PRKCA: variants seen among roughly 807,000 people sequenced by gnomAD.
The protein encoded by PRKCA is protein kinase C alpha.
PRKCA carries 27 observed loss-of-function variants against 87.0 expected under a neutral mutation model. The ratio of observed to expected loss-of-function variants is 0.31; its 90% CI spans 0.23 to 0.43. The LOEUF is 0.43. Among genes scored for constraint, PRKCA ranks in the 20% least tolerant of loss-of-function variants. The pLI is 1.00. For synonymous variants in PRKCA, 329 were observed against 311.1 expected (o/e 1.06, Z -0.61); for missense variants, 518 against 852.3 (o/e 0.61, Z 4.88).
At chr17:66,478,045 A>G (rs1915610504) in intron 2 of PRKCA, among the ~76,000 whole-genome samples, 2 of 152,294 alleles carry the variant, frequency 1.3e-5, no homozygotes, top group Non-Finnish European at 1.5e-5. Context: ...CGCCCAGGAG[A>G]CAGGTCTGTG....
At chr17:66,633,827 C>T (rs1235191613) in intron 3 of PRKCA, among the ~76,000 whole-genome samples, 1 of 152,322 alleles carries the variant, frequency 6.6e-6, no homozygotes, top group Middle Eastern at 3.4e-3. Context: ...TTGCCTGCCT[C>T]CTGGTGTGAA....
At chr17:66,653,738 T>A (rs1319390234) in intron 5 of PRKCA, among the ~76,000 whole-genome samples, 1 of 149,538 alleles carries the variant, frequency 6.7e-6, no homozygotes, top group Non-Finnish European at 1.5e-5. Flanking sequence ...ATCTGGGGGT[T>A]CCATGCCTAC....
intron 8 of PRKCA, among the ~76,000 whole-genome samples, chr17:66,731,510 A>T (rs1973893098): frequency 6.6e-6 from 1 of 152,140 alleles, no homozygotes; most frequent in African/African-American, 2.4e-5. Context: ...GATGTTCAAA[A>T]TTCGGAGTCT....
chr17:66,379,131 T>C (rs1044071579), intron 2 of PRKCA, among the ~76,000 whole-genome samples: 2 of 152,202 alleles, frequency 1.3e-5, no homozygotes, highest in Non-Finnish European at 2.9e-5. Context: ...CATGAGTTTT[T>C]TTGTGGACGT....
chr17:66,704,554 C>G (rs946185158), intron 8 of PRKCA, among the ~76,000 whole-genome samples: 1 of 152,174 alleles, frequency 6.6e-6, no homozygotes, highest in Non-Finnish European at 1.5e-5. Flanking sequence ...TGTGTCTTCA[C>G]AGTTCTTATA....
chr17:66,421,248 A>G (rs1404438117), intron 2 of PRKCA, among the ~76,000 whole-genome samples: 1 of 152,184 alleles, frequency 6.6e-6, no homozygotes, highest in East Asian at 1.9e-4. Context: ...GAGAGAGAGT[A>G]AAAAGATTTT....
chr17:66,767,550 A>G (rs1974838527), intron 13 of PRKCA, among the ~76,000 whole-genome samples: 1 of 152,202 alleles, frequency 6.6e-6, no homozygotes, highest in Non-Finnish European at 1.5e-5. Flanking sequence ...TACATGAAGG[A>G]GGAAGTTTTT....
intron 3 of PRKCA, among the ~76,000 whole-genome samples, chr17:66,623,937 T>G (rs1970766943): frequency 1.3e-5 from 2 of 149,486 alleles, no homozygotes; most frequent in South Asian, 2.1e-4. Context: ...TGAGAAGAGG[T>G]GAAGAGAGGG....
intron 2 of PRKCA, among the ~76,000 whole-genome samples, chr17:66,470,523 C>T (rs3848424): frequency 0.1 from 15,808 of 151,934 alleles, 1,225 homozygotes; most frequent in African/African-American, 0.21. Flanking sequence ...TCACCGCGCC[C>T]GGCCCCAGTT....
intron 3 of PRKCA, among the ~76,000 whole-genome samples, chr17:66,608,949 A>T (rs1970279808): frequency 6.6e-6 from 1 of 152,204 alleles, no homozygotes; most frequent in Admixed American, 6.5e-5. Context: ...TGGGCAGCAC[A>T]ATCAATCCGC....
At chr17:66,341,332 T>G (rs1456143265) in intron 2 of PRKCA, among the ~76,000 whole-genome samples, 3 of 152,212 alleles carry the variant, frequency 2.0e-5, no homozygotes, top group Non-Finnish European at 4.4e-5. Context: ...TGACATTTTT[T>G]TCCCCTGCTT....
chr17:66,392,120 C>T (rs574070218), intron 2 of PRKCA, among the ~76,000 whole-genome samples: 2 of 152,010 alleles, frequency 1.3e-5, no homozygotes, highest in Admixed American at 1.3e-4. Flanking sequence ...GTCCCAGCTA[C>T]GCAGGAGGCT....
At chr17:66,577,029 C>T (rs189998563) in intron 3 of PRKCA, among the ~76,000 whole-genome samples, 100 of 152,136 alleles carry the variant, frequency 6.6e-4, no homozygotes, top group African/African-American at 2.3e-3. Context: ...CGATGCACCA[C>T]CAGCTAAGTT....
intron 2 of PRKCA, among the ~76,000 whole-genome samples, chr17:66,332,164 G>T (rs893328704): frequency 6.6e-6 from 1 of 151,266 alleles, no homozygotes; most frequent in South Asian, 2.1e-4. Flanking sequence ...GATACCTAGG[G>T]CATCTTATTT....
chr17:66,633,967 G>A (rs1426731554), intron 3 of PRKCA, among the ~76,000 whole-genome samples: 3 of 152,162 alleles, frequency 2.0e-5, no homozygotes, highest in Non-Finnish European at 2.9e-5. Flanking sequence ...ATGCATCTAG[G>A]AAATGTGATG....
At chr17:66,441,323 G>A (rs927811964) in intron 2 of PRKCA, among the ~76,000 whole-genome samples, 14 of 151,212 alleles carry the variant, frequency 9.3e-5, no homozygotes, top group South Asian at 2.1e-4. Flanking sequence ...CAGCTTGGAC[G>A]ACAGAACAAC....
intron 3 of PRKCA, among the ~76,000 whole-genome samples, chr17:66,635,117 G>A (rs1971116285): frequency 6.6e-6 from 1 of 152,134 alleles, no homozygotes; most frequent in South Asian, 2.1e-4. Context: ...GCAGGTGGAG[G>A]CAGCAGCCGA....
In PRKCA at chr17:66,746,085, G is replaced by A. The variant is rs151152277; in HGVS notation, c.1524+3325G>A. Among the ~76,000 whole-genome samples, 154 of 150,104 alleles carry A rather than the reference G, an allele frequency of 1.0e-3. 1 individual carries two copies. Among genetic ancestry groups the A allele is most frequent in the Admixed American group, 1.9e-3 (29 of 15,078 alleles). On this transcript the variant is annotated intron_variant, in intron 13 of 16. Transcript: ENST00000413366. ...TATATGTGGATTCCAGTCAGCTTTCGTTGAAAACATCAGGCACCACTGCTT... is the reference window on the plus strand; with the variant it reads ...TATATGTGGATTCCAGTCAGCTTTCATTGAAAACATCAGGCACCACTGCTT...
At chr17:66,614,795 A>C (rs187684777) in intron 3 of PRKCA, among the ~76,000 whole-genome samples, 81 of 152,326 alleles carry the variant, frequency 5.3e-4, no homozygotes, top group African/African-American at 1.9e-3. Flanking sequence ...CTTACTGCCA[A>C]AAAGGGTTTA....
Sources: gnomAD v4.1 joint callset for allele counts (sites outside exome capture counted in the v4.1 genomes callset) on GRCh38, gnomAD v4.1.1 for gene constraint, MANE v1.5 for transcripts, NCBI Gene and HGNC (gene_info 2026-07-23, HGNC 2026-07-21) for gene names.